Variants in SLC5A5 observed in about 807,000 individuals in gnomAD.
The protein encoded by SLC5A5 is sodium/iodide cotransporter.
Under a neutral mutation model 68.6 loss-of-function variants are expected in SLC5A5, and 56 were observed. The ratio of observed to expected loss-of-function variants is 0.82; its 90% confidence interval spans 0.66 to 1.02. The LOEUF is 1.02. SLC5A5 is among the 50% of genes least tolerant of loss of function. The pLI, the probability that SLC5A5 is intolerant of heterozygous loss-of-function variation, is 0.00. For missense variants in SLC5A5, 807 were observed against 859.8 expected (o/e 0.94, Z 0.77); for synonymous variants, 398 against 373.0 (o/e 1.07, Z -0.77).
Position 17,872,233 on chromosome 19 carries a change from C to CCCCCCCACA in SLC5A5, c.-86_-85insCCCCCACAC. The CCCCCCCACA allele has an allele frequency of 1.5e-6, 1 of 661,036 alleles. No homozygotes were observed. Among genetic ancestry groups the CCCCCCCACA allele is most frequent in the Non-Finnish European group, 2.6e-6 (1 of 377,530 alleles). 40.9% of individuals were successfully genotyped at this position (661,036 alleles called of 1,614,324 possible). A position where few individuals can be genotyped will look rare whatever the true frequency, so the allele number is the denominator to read the frequency against. On this transcript the variant is annotated 5_prime_UTR_variant, in exon 1 of 15. Transcript: ENST00000222248. ...CCGAGCATCCTCCCACCCGCCCTCC[C>CCCCCCCACA]CGTCCTGCCTCCTCGGCCCCTGCCA...
rs1463060068 is a variant in SLC5A5, at chr19:17,884,136, G to A, written c.1526+90G>A. Reference sequence around the variant, plus strand: ...ACTTGCCCTGCACTCTGTGTAAGAAGCCTGATTAGTAAAATGCATTCCTGG... The same window carrying A: ...ACTTGCCCTGCACTCTGTGTAAGAAACCTGATTAGTAAAATGCATTCCTGG... On this transcript the variant is annotated intron_variant, in intron 12 of 14. Coordinates refer to ENST00000222248, the MANE Select transcript of SLC5A5 (RefSeq NM_000453.3). 1.3e-5 allele frequency: 15 copies of A among 1,172,882 alleles called. No individual in the cohort carries two copies. In the East Asian group the frequency reaches 2.0e-4, roughly 16 times the overall value. The allele number at this position is 1,172,882 out of a possible 1,614,324, so 72.7% of individuals were successfully genotyped here. A position where few individuals can be genotyped will look rare whatever the true frequency, so the allele number is the denominator to read the frequency against.
chr19:17,891,023 C>A, intron 14 of SLC5A5, 22 bp downstream of exon 14: 1 of 1,511,518 alleles, frequency 6.6e-7, no homozygotes, highest in South Asian at 1.1e-5. Flanking sequence ...GCTGGGTTCC[C>A]AGATCTAGAG....
At chr19:17,893,587 T>G in intron 14 of SLC5A5, 126 bp from the exon 15 acceptor site, 1 of 907,736 alleles carries the variant, frequency 1.1e-6, no homozygotes, top group Non-Finnish European at 1.8e-6. Context: ...AGCAAGGGGA[T>G]AGTATGCAAT....
At chr19:17,880,101 A>G (rs1843528985) in intron 7 of SLC5A5, among the ~76,000 whole-genome samples, 1 of 151,770 alleles carries the variant, frequency 6.6e-6, no homozygotes, top group South Asian at 2.1e-4. Flanking sequence ...GGGTTTTGCC[A>G]TGTTGGCCAG....
At chr19:17,892,996 T>C (rs958784411) in intron 14 of SLC5A5, among the ~76,000 whole-genome samples, 1 of 143,182 alleles carries the variant, frequency 7.0e-6, no homozygotes, top group Non-Finnish European at 1.6e-5. Flanking sequence ...TCCTTTCTCT[T>C]CTTTTCTTTT....
chr19:17,891,998 T>G (rs1259278361), intron 14 of SLC5A5, among the ~76,000 whole-genome samples: 4 of 152,034 alleles, frequency 2.6e-5, no homozygotes, highest in Admixed American at 2.0e-4. Flanking sequence ...CAAAAGATAA[T>G]ACAACCAGAT....
chr19:17,889,009 TG>T (rs2030046541), intron 13 of SLC5A5, among the ~76,000 whole-genome samples: 1 of 151,802 alleles, frequency 6.6e-6, no homozygotes, highest in African/African-American at 2.4e-5. Flanking sequence ...CACTTTTATG[TG>T]TATATATACA....
intron 4 of SLC5A5, among the ~76,000 whole-genome samples, chr19:17,875,316 G>T (rs1234092498): frequency 6.6e-6 from 1 of 152,020 alleles, no homozygotes; most frequent in Non-Finnish European, 1.5e-5. Flanking sequence ...GTTGCGGTGC[G>T]TGGAGATTGC....
In SLC5A5 at chr19:17,894,610, A is replaced by C. The variant is rs1234054751; in HGVS notation, c.*733A>C. 1 of 152,422 alleles carries C rather than the reference A, an allele frequency of 6.6e-6. No homozygotes were observed. Among genetic ancestry groups the C allele is most frequent in the African/African-American group, 2.4e-5 (1 of 41,458 alleles). The allele number at this position is 152,422 out of a possible 1,614,324, so 9.4% of individuals were successfully genotyped here. ...TGGCCTCCCAAAGGGCTGGGATTAC[A>C]GGGGTGAGCCACCGCGCCCCACCTC... On this transcript the variant is annotated 3_prime_UTR_variant, in exon 15 of 15. Transcript: ENST00000222248.
chr19:17,885,555 AT>A (rs887998294), intron 12 of SLC5A5, among the ~76,000 whole-genome samples: 6 of 150,856 alleles, frequency 4.0e-5, no homozygotes, highest in Admixed American at 2.7e-4. Context: ...AATTTTTTGT[AT>A]TTTTTATAGA....
chr19:17,884,127 G>A lies in SLC5A5; in HGVS notation c.1526+81G>A. 4.0e-6 allele frequency: 5 copies of A among 1,238,850 alleles called. No homozygotes were observed. The South Asian group carries it at 6.4e-5, about 16-fold the overall frequency. The allele number at this position is 1,238,850 out of a possible 1,614,324, so 76.7% of individuals were successfully genotyped here. A position where few individuals can be genotyped will look rare whatever the true frequency, so the allele number is the denominator to read the frequency against. ...GGGAAACTTACTTGCCCTGCACTCT[G>A]TGTAAGAAGCCTGATTAGTAAAATG... On this transcript the variant is annotated intron_variant, in intron 12 of 14. Transcript: ENST00000222248.
chr19:17,881,650 G>A (rs192109835), intron 8 of SLC5A5, among the ~76,000 whole-genome samples: 14 of 152,288 alleles, frequency 9.2e-5, no homozygotes, highest in African/African-American at 1.9e-4. Context: ...ACACTCAGGT[G>A]GTTTCCACTC....
At chr19:17,874,094 C>A in intron 1 of SLC5A5, 44 bp from the exon 2 acceptor site, 1 of 1,466,056 alleles carries the variant, frequency 6.8e-7, no homozygotes, top group Non-Finnish European at 9.6e-7. Context: ...GGCCTCGGCT[C>A]CTGGGTAAGG....
rs112671660 is a variant in SLC5A5 at position 17,877,405 on chromosome 19, G to A, written c.699-318G>A. 4.1e-3 allele frequency among the ~76,000 whole-genome samples: 622 copies of A among 151,806 alleles called. 2 individuals carry two copies. Among genetic ancestry groups the A allele is most frequent in the African/African-American group, 0.014 (576 of 41,378 alleles). ...GCTCACTGCAACCTCCGCCTCCTGG[G>A]TTGAAGTGATTCTCCTGCCTCAGCC... On this transcript the variant is annotated intron_variant, in intron 5 of 14. Transcript: ENST00000222248.
intron 1 of SLC5A5, among the ~76,000 whole-genome samples, chr19:17,872,898 T>G (rs903464307): frequency 6.6e-6 from 1 of 152,182 alleles, no homozygotes. Context: ...CCTGGCGTCC[T>G]GCTCCTTCGG....
At chr19:17,884,157 C>A in intron 12 of SLC5A5, 111 bp downstream of exon 12, 1 of 1,011,128 alleles carries the variant, frequency 9.9e-7, no homozygotes, top group Non-Finnish European at 1.5e-6. Flanking sequence ...AAAATGCATT[C>A]CTGGGGGAGG....
At chr19:17,888,281 C>T in intron 12 of SLC5A5, 50 bp from the exon 13 acceptor site, 1 of 1,609,842 alleles carries the variant, frequency 6.2e-7, no homozygotes, top group Admixed American at 1.7e-5. Context: ...CTTTTGAGTG[C>T]AGGCAGGGGA....
Position 17,878,031 on chromosome 19 carries a change from A to G in SLC5A5, c.907A>G (p.Met303Val), listed in dbSNP as rs770890932. ...VSSAACCGIV[M>V]FVFYTDCDPL... ...CAGCGCTGCCTGCTGTGGCATCGTC[A>G]TGTTTGTGTTCTACACTGACTGCGA... Residue 303 changes from methionine to valine, a missense_variant, in exon 7 of 15, where the codon ATG becomes GTG. Physicochemically the swap from Met to Val is conservative, Grantham distance 21. Coordinates refer to ENST00000222248, the MANE Select transcript of SLC5A5 (RefSeq NM_000453.3). 15 of 1,613,124 alleles carry G rather than the reference A, an allele frequency of 9.3e-6. No individual in the cohort carries two copies. In the South Asian group the frequency reaches 1.6e-4, roughly 18 times the overall value.
chr19:17,877,049 G>A (rs987054382), intron 5 of SLC5A5, among the ~76,000 whole-genome samples: 3 of 151,226 alleles, frequency 2.0e-5, no homozygotes, highest in African/African-American at 7.3e-5. Context: ...AAAAAAAGAG[G>A]ATGGGGCTGG....
Sources: gnomAD v4.1 joint callset for allele counts (sites outside exome capture counted in the v4.1 genomes callset) on GRCh38, gnomAD v4.1.1 for gene constraint, MANE v1.5 for transcripts, NCBI Gene and HGNC (gene_info 2026-07-23, HGNC 2026-07-21) for gene names.